RPL21: variants seen among roughly 807,000 people sequenced by gnomAD.
RPL21 encodes the protein ribosomal protein L21, also known as large ribosomal subunit protein eL21.
A neutral mutation model predicts 21.2 loss-of-function variants in RPL21; 1 was observed. The observed-to-expected ratio is 0.05, with a 90% CI of 0.02 to 0.22. The LOEUF is 0.22. Among genes scored for constraint, RPL21 ranks in the 10% least tolerant of loss-of-function variants. The probability of loss-of-function intolerance (pLI) is 1.00; values close to 1 mark genes in which losing one functional copy is unlikely to be tolerated. For missense variants in RPL21, 113 were observed against 199.4 expected (o/e 0.57, Z 2.61); for synonymous variants, 52 against 62.9 (o/e 0.83, Z 0.82).
At chr13:27,253,526 C>T (rs1051766980) in intron 1 of RPL21, among the ~76,000 whole-genome samples, 7 of 152,158 alleles carry the variant, frequency 4.6e-5, no homozygotes, top group African/African-American at 1.7e-4. Context: ...TTTGGATTCT[C>T]GTATCAAGTT....
chr13:27,253,871 A>G (rs757194501), intron 2 of RPL21, 28 bp downstream of exon 2: 3 of 1,252,340 alleles, frequency 2.4e-6, no homozygotes, highest in Non-Finnish European at 1.2e-6. Context: ...CCTTGAGAGA[A>G]GCATGGCACA....
Position 27,256,246 on chromosome 13 carries a change from G to C in RPL21, c.305G>C (p.Arg102Pro). Residue 102 changes from arginine to proline, a missense_variant, in exon 5 of 6, where the codon CGA (arginine) becomes CCA (proline). By Grantham distance (103) the Arg-to-Pro change is moderately radical (BLOSUM62 -2). Transcript: ENST00000311549. Reference protein sequence around the residue: ...RIEHIKHSKSRDSFLKRVKEN... With the variant: ...RIEHIKHSKSPDSFLKRVKEN... ...GAGCACATTAAGCACTCTAAGAGCC[G>C]AGATAGCTTCCTGAAACGTGTGAAG... is the stretch of plus-strand genomic sequence containing the variant. The C allele has an allele frequency of 6.3e-7, 1 of 1,586,946 alleles. No homozygotes were observed. The highest frequency in any genetic ancestry group is 2.3e-5 in the East Asian group (1 of 44,186).
In RPL21 at chr13:27,255,262, A is replaced by C; in HGVS notation, c.150A>C (p.Lys50Asn). The change falls in exon 4 of 6, where the codon AAA becomes AAC. Residue 50 changes from lysine to asparagine, a missense_variant. Physicochemically the swap from Lys to Asn is moderately conservative, Grantham distance 94. Transcript: ENST00000311549. ...AATAGGGAATGGGTACTGTTCAAAA[A>C]GGAATGCCCCACAAGTGTTACCATG... Reference protein sequence around the residue: ...VDIKGMGTVQKGMPHKCYHGK... With the variant: ...VDIKGMGTVQNGMPHKCYHGK... 1 of 1,388,610 alleles carries C rather than the reference A, an allele frequency of 7.2e-7. No homozygotes were observed. The highest frequency in any genetic ancestry group is 1.0e-6 in the Non-Finnish European group (1 of 974,240). The allele number at this position is 1,388,610 out of a possible 1,614,324, so 86.0% of individuals were successfully genotyped here. A position where few individuals can be genotyped will look rare whatever the true frequency, so the allele number is the denominator to read the frequency against.
chr13:27,255,120 A>G (rs774263247), intron 3 of RPL21, 122 bp from the exon 4 acceptor site: 8 of 776,708 alleles, frequency 1.0e-5, no homozygotes, highest in Non-Finnish European at 1.4e-5. Context: ...AACACATTTC[A>G]CCGGCTCTGA....
At position 27,256,158 on chromosome 13, in the gene RPL21, C is replaced by T. The variant is rs745984139; in HGVS notation, c.243-26C>T. 33 of 1,564,704 alleles carry T rather than the reference C, an allele frequency of 2.1e-5. No individual in the cohort carries two copies. The South Asian group carries it at 3.8e-4, about 18-fold the overall frequency. On this transcript the variant is annotated intron_variant, in intron 4 of 5. Coordinates refer to ENST00000311549, the MANE Select transcript of RPL21 (RefSeq NM_000982.4). ...TTTCTGTTATATTTTTGTTAAAGCA[C>T]TTAAAAGAATTTCTGCTCTGTCCAG...
At chr13:27,253,589 C>T in intron 1 of RPL21, 176 bp from the exon 2 acceptor site, 1 of 563,422 alleles carries the variant, frequency 1.8e-6, no homozygotes, top group Non-Finnish European at 3.2e-6. Context: ...TGCCAAAAGA[C>T]CTTACTTGCT....
chr13:27,252,673 A>G (rs1881706845), intron 1 of RPL21, among the ~76,000 whole-genome samples: 1 of 152,142 alleles, frequency 6.6e-6, no homozygotes, highest in Non-Finnish European at 1.5e-5. Context: ...TACACATCTA[A>G]AGGCTTTGGG....
intron 2 of RPL21, 99 bp from the exon 3 acceptor site, chr13:27,254,121 C>A (rs1274003659): frequency 7.3e-6 from 6 of 817,174 alleles, no homozygotes. Context: ...AGCATGTAAC[C>A]ATCAAAAATG....
Position 27,253,748 on chromosome 13 carries a change from C to G in RPL21, c.-12-17C>G. 2 of 1,462,730 alleles carry G rather than the reference C, an allele frequency of 1.4e-6. No individual in the cohort carries two copies. Among genetic ancestry groups the G allele is most frequent in the South Asian group, 1.1e-5 (1 of 88,078 alleles). 90.6% of individuals were successfully genotyped at this position (1,462,730 alleles called of 1,614,324 possible). On this transcript the variant is annotated splice_polypyrimidine_tract_variant and intron_variant, in intron 1 of 5. Coordinates refer to ENST00000311549, the MANE Select transcript of RPL21 (RefSeq NM_000982.4). ...CAGTTTTCAGTCGTATTTGACTGTT[C>G]TGCTTTCTGGTTTCAGTAATTCGCC...
At chr13:27,252,731 A>G (rs3094291) in intron 1 of RPL21, among the ~76,000 whole-genome samples, 107,353 of 152,170 alleles carry the variant, frequency 0.71, 41,613 homozygotes, top group South Asian at 0.91. Context: ...CATTGTAACA[A>G]TGGTTTGACT....
rs1487739190 is a variant in RPL21, at chr13:27,256,455, C to T, written c.413C>T (p.Ala138Val). ...TAATAGCCTGCTCCACCCAGAGAAG[C>T]ACACTTTGTGAGAACCAATGGGAAG... ...LKRQPAPPRE[A>V]HFVRTNGKEP... The change falls in exon 6 of 6, where the codon GCA becomes GTA. Residue 138 changes from alanine to valine, a missense_variant. Physicochemically the swap from Ala to Val is moderately conservative, Grantham distance 64. Coordinates refer to ENST00000311549, the MANE Select transcript of RPL21 (RefSeq NM_000982.4). 1.3e-6 allele frequency: 2 copies of T among 1,580,622 alleles called. No homozygotes were observed. The highest frequency in any genetic ancestry group is 1.7e-6 in the Non-Finnish European group (2 of 1,150,302).
intron 1 of RPL21, chr13:27,251,957 T>G (rs1593259785): frequency 6.6e-6 from 1 of 152,382 alleles, no homozygotes; most frequent in Non-Finnish European, 1.5e-5. Flanking sequence ...GGGGGCCGCG[T>G]GGCCTGATGC....
intron 3 of RPL21, 111 bp downstream of exon 3, chr13:27,254,392 A>ATTTTTTTTTTTTTTTTTTTTTTTTTTT (rs555263610): frequency 4.4e-6 from 1 of 227,354 alleles, no homozygotes; most frequent in Non-Finnish European, 7.8e-6. Context: ...TATAGAATGG[A>ATTTTTTTTTTTTTTTTTTTTTTTTTTT]TTTTTTTTTT....
chr13:27,252,342 C>A (rs904228637), intron 1 of RPL21, among the ~76,000 whole-genome samples: 2 of 152,160 alleles, frequency 1.3e-5, no homozygotes, highest in African/African-American at 2.4e-5. Flanking sequence ...AGCCATAGTT[C>A]ATCATTTTGT....
At chr13:27,253,641 G>A (rs1406185190) in intron 1 of RPL21, 124 bp from the exon 2 acceptor site, 1 of 692,374 alleles carries the variant, frequency 1.4e-6, no homozygotes, top group East Asian at 2.7e-5. Flanking sequence ...CTAACTGCTT[G>A]GTGATCCAGC....
At chr13:27,254,934 T>A in intron 3 of RPL21, 1 of 472,428 alleles carries the variant, frequency 2.1e-6, no homozygotes, top group Non-Finnish European at 4.0e-6. Context: ...TATGAGTTTA[T>A]CAAGTTGGAA....
In RPL21 at chr13:27,253,747, TCTG is replaced by T. The variant is rs1379201776; in HGVS notation, c.-12-15_-12-13del. On this transcript the variant is annotated splice_polypyrimidine_tract_variant and intron_variant, in intron 1 of 5. Coordinates refer to ENST00000311549, the MANE Select transcript of RPL21 (RefSeq NM_000982.4). ...CCAGTTTTCAGTCGTATTTGACTGT[TCTG>T]CTTTCTGGTTTCAGTAATTCGCCAA... 1 of 1,451,326 alleles carries T rather than the reference TCTG, an allele frequency of 6.9e-7. No homozygotes were observed. Among genetic ancestry groups the T allele is most frequent in the Non-Finnish European group, 9.7e-7 (1 of 1,032,052 alleles). The allele number at this position is 1,451,326 out of a possible 1,614,324, so 89.9% of individuals were successfully genotyped here.
chr13:27,253,596 T>C, intron 1 of RPL21, 169 bp from the exon 2 acceptor site: 1 of 581,080 alleles, frequency 1.7e-6, no homozygotes, highest in Non-Finnish European at 3.1e-6. Flanking sequence ...AGACCTTACT[T>C]GCTAAAATAA....
At chr13:27,254,340 G>T in intron 3 of RPL21, 59 bp downstream of exon 3, 2 of 953,536 alleles carry the variant, frequency 2.1e-6, no homozygotes, top group Non-Finnish European at 3.4e-6. Flanking sequence ...ATTTAATCTA[G>T]TGTAGGAATT....
Sources: allele counts gnomAD v4.1 joint callset (sites outside exome capture counted in the v4.1 genomes callset), GRCh38; gene constraint gnomAD v4.1.1; transcripts MANE v1.5; gene names NCBI Gene and HGNC (gene_info 2026-07-23, HGNC 2026-07-21).